KIAA1143: variants seen among roughly 807,000 people sequenced by gnomAD.
KIAA1143 encodes uncharacterized protein KIAA1143.
A neutral mutation model predicts 17.0 loss-of-function variants in KIAA1143; 8 were observed. That is an observed-to-expected ratio of 0.47 (90% confidence interval 0.28 to 0.85). The LOEUF is 0.85. KIAA1143 is among the 40% of genes least tolerant of loss of function. The pLI is 0.12. For missense variants in KIAA1143, 162 were observed against 183.3 expected (o/e 0.88, Z 0.67); for synonymous variants, 64 against 67.8 (o/e 0.94, Z 0.27).
chr3:44,757,945 G>A (rs1705001249), intron 1 of KIAA1143, among the ~76,000 whole-genome samples: 1 of 152,018 alleles, frequency 6.6e-6, no homozygotes, highest in Non-Finnish European at 1.5e-5. Flanking sequence ...AAATTTTCTG[G>A]TTTCCCAGTT....
chr3:44,758,422 CAAGT>C (rs997704184), intron 1 of KIAA1143, among the ~76,000 whole-genome samples: 4 of 152,148 alleles, frequency 2.6e-5, no homozygotes, highest in Non-Finnish European at 5.9e-5. Flanking sequence ...GCTGCTTTAC[CAAGT>C]AAGTTTATTC....
At position 44,749,464 on chromosome 3, in the gene KIAA1143, T is replaced by G. The variant is rs556907947; in HGVS notation, c.*3877A>C. 6.6e-6 allele frequency: 1 copy of G among 152,328 alleles called. No homozygotes were observed. Among genetic ancestry groups the G allele is most frequent in the South Asian group, 2.1e-4 (1 of 4,824 alleles). The allele number at this position is 152,328 out of a possible 1,614,324, so 9.4% of individuals were successfully genotyped here. ...GTAAGATACTTTGAAATTCATAATT[T>G]CAGATGGATGTGGCTGGTAAGGATC... On this transcript the variant is annotated 3_prime_UTR_variant, in exon 3 of 3. Coordinates refer to ENST00000296121, the MANE Select transcript of KIAA1143 (RefSeq NM_020696.4).
At chr3:44,758,195 C>G (rs1705003954) in intron 1 of KIAA1143, among the ~76,000 whole-genome samples, 1 of 152,164 alleles carries the variant, frequency 6.6e-6, no homozygotes, top group Admixed American at 6.5e-5. Flanking sequence ...AGTGAAGGGT[C>G]TGCCCTTGAT....
chr3:44,755,502 T>C (rs1559510997), intron 1 of KIAA1143, among the ~76,000 whole-genome samples: 1 of 152,230 alleles, frequency 6.6e-6, no homozygotes, highest in Non-Finnish European at 1.5e-5. Context: ...AGCTTTATCC[T>C]GTACCACTCT....
intron 1 of KIAA1143, among the ~76,000 whole-genome samples, chr3:44,754,687 G>A (rs1420208466): frequency 1.3e-5 from 2 of 152,156 alleles, no homozygotes; most frequent in Non-Finnish European, 2.9e-5. Flanking sequence ...ACTGTGCCAT[G>A]TCAGTTGTTT....
Position 44,759,894 on chromosome 3 carries a change from C to CAAAAAAAAAAAAAAAAAAAA in KIAA1143, c.108+1581_108+1600dup, listed in dbSNP as rs527806223. 3.1e-4 allele frequency among the ~76,000 whole-genome samples: 16 copies of CAAAAAAAAAAAAAAAAAAAA among 51,098 alleles called. 1 individual carries two copies. Among genetic ancestry groups the CAAAAAAAAAAAAAAAAAAAA allele is most frequent in the Non-Finnish European group, 4.8e-4 (13 of 27,358 alleles). The allele number at this position is 51,098 out of a possible 152,430, so 33.5% of individuals were successfully genotyped here. On this transcript the variant is annotated intron_variant, in intron 1 of 2. Transcript: ENST00000296121. ...TGGGCGACAGAGTGAGACCCTATCT[C>CAAAAAAAAAAAAAAAAAAAA]AAAAAAAAAAAAAAAAAAAAAGTCC...
At position 44,751,743 on chromosome 3, in the gene KIAA1143, T is replaced by A. The variant is rs1353371282; in HGVS notation, c.*1598A>T. 1 of 152,178 alleles carries A rather than the reference T, an allele frequency of 6.6e-6. No homozygotes were observed. The highest frequency in any genetic ancestry group is 1.5e-5 in the Non-Finnish European group (1 of 68,054). 9.4% of individuals were successfully genotyped at this position (152,178 alleles called of 1,614,324 possible). On this transcript the variant is annotated 3_prime_UTR_variant, in exon 3 of 3. Coordinates refer to ENST00000296121, the MANE Select transcript of KIAA1143 (RefSeq NM_020696.4). ...TGTTAAATCTTTTAACCAAATCCAT[T>A]TCCTTTTGCCTAGAGACCACCAAGT... is the stretch of plus-strand genomic sequence containing the variant.
rs936274696 is a variant in KIAA1143, at chr3:44,752,433, C to G, written c.*908G>C. 6.6e-6 allele frequency: 1 copy of G among 152,132 alleles called. No individual in the cohort carries two copies. The highest frequency in any genetic ancestry group is 1.5e-5 in the Non-Finnish European group (1 of 68,036). The allele number at this position is 152,132 out of a possible 1,614,324, so 9.4% of individuals were successfully genotyped here. ...GAACCTGGACACCCTCCACCAGTAACAGTTTGACCAGTTATTTATTGTATT... is the reference window on the plus strand; with the variant it reads ...GAACCTGGACACCCTCCACCAGTAAGAGTTTGACCAGTTATTTATTGTATT... On this transcript the variant is annotated 3_prime_UTR_variant, in exon 3 of 3. Transcript: ENST00000296121.
At position 44,761,597 on chromosome 3, in the gene KIAA1143, G is replaced by C. The variant is rs199617767; in HGVS notation, c.6C>G (p.Ser2Arg). Residue 2 changes from serine (S) to arginine (R), a missense_variant, in exon 1 of 3, where the codon AGC becomes AGG. This residue lies in a region of KIAA1143 where 137 missense variants were observed against 132.5 expected (regional missense o/e 1.03). Coordinates refer to ENST00000296121, the MANE Select transcript of KIAA1143 (RefSeq NM_020696.4). Reference sequence around the variant, plus strand: ...GCACGTACGATACCTGGTTCCGCTTGCTCATGGTAGCTCTGGGTAAAGACA... The same window carrying C: ...GCACGTACGATACCTGGTTCCGCTTCCTCATGGTAGCTCTGGGTAAAGACA... M[S>R]KRNQVSYVRP... 40 of 1,595,550 alleles carry C rather than the reference G, an allele frequency of 2.5e-5. No individual in the cohort carries two copies. Among genetic ancestry groups the C allele is most frequent in the Non-Finnish European group, 3.3e-5 (39 of 1,175,158 alleles).
At chr3:44,759,064 A>G (rs534416230) in intron 1 of KIAA1143, among the ~76,000 whole-genome samples, 1 of 152,174 alleles carries the variant, frequency 6.6e-6, no homozygotes, top group African/African-American at 2.4e-5. Context: ...GGGTCTCACC[A>G]TGTTGGCCAG....
rs1377963027 is a variant in KIAA1143, at chr3:44,753,259, G to C, written c.*82C>G. ...CTAAACTTTCTATAAAGAACTTGTA[G>C]TATCTTTATAATAGGAAAAAATGTG... On this transcript the variant is annotated 3_prime_UTR_variant, in exon 3 of 3. Transcript: ENST00000296121. 7.8e-6 allele frequency: 8 copies of C among 1,027,172 alleles called. No individual in the cohort carries two copies. Among genetic ancestry groups the C allele is most frequent in the Non-Finnish European group, 1.2e-5 (8 of 692,468 alleles). 63.6% of individuals were successfully genotyped at this position (1,027,172 alleles called of 1,614,324 possible).
intron 1 of KIAA1143, among the ~76,000 whole-genome samples, chr3:44,760,352 A>G (rs142243736): frequency 2.6e-5 from 4 of 152,276 alleles, no homozygotes; most frequent in African/African-American, 9.6e-5. Flanking sequence ...CTCTTCTTCT[A>G]TTTAGACCCA....
Position 44,748,983 on chromosome 3 carries a change from G to C in KIAA1143, c.*4358C>G, listed in dbSNP as rs929472739. 2.6e-5 allele frequency: 4 copies of C among 152,208 alleles called. No homozygotes were observed. The highest frequency in any genetic ancestry group is 5.9e-5 in the Non-Finnish European group (4 of 68,042). 9.4% of individuals were successfully genotyped at this position (152,208 alleles called of 1,614,324 possible). A position where few individuals can be genotyped will look rare whatever the true frequency, so the allele number is the denominator to read the frequency against. ...AACAAGTGAGTATACATTAAAGACA[G>C]TATTGCAGAATGGCTTCAGGATTAA... is the stretch of plus-strand genomic sequence containing the variant. On this transcript the variant is annotated 3_prime_UTR_variant, in exon 3 of 3. Coordinates refer to ENST00000296121, the MANE Select transcript of KIAA1143 (RefSeq NM_020696.4).
At position 44,751,725 on chromosome 3, in the gene KIAA1143, T is replaced by A. The variant is rs1704894498; in HGVS notation, c.*1616A>T. ...TGGTTTTTGGACCATATCTGTTAAA[T>A]CTTTTAACCAAATCCATTTCCTTTT... On this transcript the variant is annotated 3_prime_UTR_variant, in exon 3 of 3. Transcript: ENST00000296121. 6.6e-6 allele frequency: 1 copy of A among 152,204 alleles called. No homozygotes were observed. The highest frequency in any genetic ancestry group is 2.4e-5 in the African/African-American group (1 of 41,444). The allele number at this position is 152,204 out of a possible 1,614,324, so 9.4% of individuals were successfully genotyped here.
intron 2 of KIAA1143, among the ~76,000 whole-genome samples, chr3:44,754,012 A>C (rs1704929127): frequency 6.6e-6 from 1 of 152,210 alleles, no homozygotes; most frequent in African/African-American, 2.4e-5. Flanking sequence ...GTAACAACCC[A>C]ATAGGTACAA....
In KIAA1143 at chr3:44,750,248, G is replaced by C. The variant is rs1704877417; in HGVS notation, c.*3093C>G. On this transcript the variant is annotated 3_prime_UTR_variant, in exon 3 of 3. Coordinates refer to ENST00000296121, the MANE Select transcript of KIAA1143 (RefSeq NM_020696.4). Reference sequence around the variant, plus strand: ...CTTAAACTAACTTTTTGGATATTAGGCTTCCTGAAGTTCAAGAGTGACATA... The same window carrying C: ...CTTAAACTAACTTTTTGGATATTAGCCTTCCTGAAGTTCAAGAGTGACATA... The C allele has an allele frequency of 6.6e-6, 1 of 152,138 alleles. No individual in the cohort carries two copies. Among genetic ancestry groups the C allele is most frequent in the African/African-American group, 2.4e-5 (1 of 41,412 alleles). The allele number at this position is 152,138 out of a possible 1,614,324, so 9.4% of individuals were successfully genotyped here.
chr3:44,753,446 C>T lies in KIAA1143; in HGVS notation c.360G>A (p.Lys120=). ...SGLTASSKKK[K]PNEDEVNQDS... Reference sequence around the variant, plus strand: ...CCTGATTTACTTCATCTTCATTTGGCTTCTTCTTTTTTGAGCTTGCTGTTA... The same window carrying T: ...CCTGATTTACTTCATCTTCATTTGGTTTCTTCTTTTTTGAGCTTGCTGTTA... Residue 120 remains lysine (K), a synonymous_variant, in exon 3 of 3, where the codon AAG becomes AAA. Transcript: ENST00000296121. 6.2e-7 allele frequency: 1 copy of T among 1,604,912 alleles called. No homozygotes were observed. Among genetic ancestry groups the T allele is most frequent in the Non-Finnish European group, 8.5e-7 (1 of 1,172,064 alleles).
At position 44,750,318 on chromosome 3, in the gene KIAA1143, A is replaced by C. The variant is rs1704878197; in HGVS notation, c.*3023T>G. 6.6e-6 allele frequency: 1 copy of C among 152,242 alleles called. No homozygotes were observed. Among genetic ancestry groups the C allele is most frequent in the African/African-American group, 2.4e-5 (1 of 41,466 alleles). 9.4% of individuals were successfully genotyped at this position (152,242 alleles called of 1,614,324 possible). A position where few individuals can be genotyped will look rare whatever the true frequency, so the allele number is the denominator to read the frequency against. On this transcript the variant is annotated 3_prime_UTR_variant, in exon 3 of 3. Coordinates refer to ENST00000296121, the MANE Select transcript of KIAA1143 (RefSeq NM_020696.4). ...ATTTGTAATGTTTGAATTATACAGGAAACATTGTCAAGTGTGAGGTGGTGT... is the reference window on the plus strand; with the variant it reads ...ATTTGTAATGTTTGAATTATACAGGCAACATTGTCAAGTGTGAGGTGGTGT...
At chr3:44,760,686 C>A (rs1270575262) in intron 1 of KIAA1143, among the ~76,000 whole-genome samples, 1 of 139,176 alleles carries the variant, frequency 7.2e-6, no homozygotes, top group Non-Finnish European at 1.6e-5. Flanking sequence ...CCAGGCCCGG[C>A]TTTTTTTTTT....
Sources: gnomAD v4.1 joint callset for allele counts (sites outside exome capture counted in the v4.1 genomes callset) on GRCh38, gnomAD v4.1.1 for gene constraint, gnomAD v4.1.1 regional missense constraint, MANE v1.5 for transcripts, NCBI Gene and HGNC (gene_info 2026-07-23, HGNC 2026-07-21) for gene names.